Variants in RTL9 observed in about 807,000 individuals in gnomAD.
RTL9 encodes retrotransposon Gag like 9, also known as retrotransposon Gag-like protein 9.
RTL9 carries 19 observed loss-of-function variants against 44.7 expected under a neutral mutation model. The ratio of observed to expected loss-of-function variants is 0.42; its 90% CI spans 0.30 to 0.62. The LOEUF (loss-of-function observed/expected upper bound fraction) is 0.62. Ranked by LOEUF, RTL9 falls within the 20% of genes least tolerant of loss-of-function variation. The pLI, the probability that RTL9 is intolerant of heterozygous loss-of-function variation, is 0.16. For missense variants in RTL9, 1,105 were observed against 1,080.6 expected, an observed-to-expected ratio of 1.02 and a Z score of -0.32; for synonymous variants, 407 against 398.9, an observed-to-expected ratio of 1.02 and a Z score of -0.24.
chrX:110,438,495 A>G (rs2068855510), intron 1 of RTL9, among the ~76,000 whole-genome samples: 1 of 111,624 alleles, frequency 9.0e-6, no homozygotes, highest in Non-Finnish European at 1.9e-5. Context: ...ATGAACCTCT[A>G]TGATCCAAGT....
chrX:110,362,152 T>C (rs2068268201), intron 1 of RTL9, among the ~76,000 whole-genome samples: 1 of 111,854 alleles, frequency 8.9e-6, no homozygotes. Context: ...AATATATATA[T>C]ATAACAGAGC....
chrX:110,435,310 C>G (rs945300859), intron 1 of RTL9, among the ~76,000 whole-genome samples: 1 of 111,694 alleles, frequency 9.0e-6, no homozygotes, highest in Non-Finnish European at 1.9e-5. Flanking sequence ...AATAAATTAA[C>G]AGCTGTGGGT....
At chrX:110,412,274 G>C (rs1306520060) in intron 1 of RTL9, among the ~76,000 whole-genome samples, 1 of 112,376 alleles carries the variant, frequency 8.9e-6, no homozygotes, top group African/African-American at 3.2e-5. Context: ...CCTGTCTTAG[G>C]AGTTTACCTT....
At chrX:110,369,443 T>C (rs2068322338) in intron 1 of RTL9, among the ~76,000 whole-genome samples, 2 of 112,392 alleles carry the variant, frequency 1.8e-5, no homozygotes, top group South Asian at 7.5e-4. Context: ...AAGTGCCAAA[T>C]GTTCAAAGAG....
At chrX:110,452,750 A>G (rs1316636339) in exon 1 of RTL9, 1 of 1,210,438 alleles carries the variant, frequency 8.3e-7, no homozygotes, top group East Asian at 3.0e-5. Context: ...CACTAATGAG[A>G]GCCAAAGTGT....
At chrX:110,395,076 T>C (rs759279795) in intron 1 of RTL9, among the ~76,000 whole-genome samples, 3 of 112,736 alleles carry the variant, frequency 2.7e-5, no homozygotes, top group East Asian at 2.8e-4. Flanking sequence ...AAAGCATTTG[T>C]CATGGAAGGT....
chrX:110,374,900 A>C (rs749620535), intron 1 of RTL9, among the ~76,000 whole-genome samples: 1 of 111,330 alleles, frequency 9.0e-6, no homozygotes, highest in South Asian at 3.8e-4. Context: ...GAGTGTCTGC[A>C]TATGATATTA....
chrX:110,428,949 C>T (rs1300938532), intron 1 of RTL9, among the ~76,000 whole-genome samples: 2 of 112,236 alleles, frequency 1.8e-5, no homozygotes, highest in African/African-American at 6.5e-5. Flanking sequence ...TACGTGTATC[C>T]AGCGCACTGG....
At chrX:110,378,867 C>A (rs2068397900) in intron 1 of RTL9, among the ~76,000 whole-genome samples, 1 of 110,871 alleles carries the variant, frequency 9.0e-6, no homozygotes, top group African/African-American at 3.3e-5. Flanking sequence ...CTCCTAACAG[C>A]AAGCACAGCT....
At chrX:110,428,113 C>A (rs1181406462) in intron 1 of RTL9, among the ~76,000 whole-genome samples, 1 of 112,336 alleles carries the variant, frequency 8.9e-6, no homozygotes, top group Admixed American at 9.4e-5. Flanking sequence ...CCACCTGGCA[C>A]ACAGTAGATG....
upstream of RTL9, among the ~76,000 whole-genome samples, chrX:110,416,963 T>A (rs1386390327): frequency 1.8e-5 from 2 of 112,148 alleles, no homozygotes; most frequent in Non-Finnish European, 3.8e-5. Context: ...ACTTCCAATT[T>A]TCGGTTTTTG....
intron 1 of RTL9, 31 bp from the exon 4 acceptor site, chrX:110,455,171 C>G (rs1426674410): frequency 8.3e-7 from 1 of 1,208,242 alleles, no homozygotes; most frequent in East Asian, 3.0e-5. Context: ...AAGTGTGGCT[C>G]TTACCTCTGT....
Position 110,381,994 on chromosome X carries a change from CT to C in RTL9, c.-168+23079del, listed in dbSNP as rs1284911385. Among the ~76,000 whole-genome samples the C allele has an allele frequency of 8.1e-5, 9 of 110,797 alleles. No individual in the cohort carries two copies. In the South Asian group the frequency reaches 3.1e-3, roughly 38 times the overall value. ...TGTAATAAACCTGTACATGTACCCCCTGAATCTAAAATAAAAATTAAAAAAA... is the reference window on the plus strand; with the variant it reads ...TGTAATAAACCTGTACATGTACCCCCGAATCTAAAATAAAAATTAAAAAAA... On this transcript the variant is annotated intron_variant, in intron 1 of 2. Transcript: ENST00000520821.
At chrX:110,439,841 CT>C (rs2148340203) in intron 1 of RTL9, 1 of 111,047 alleles carries the variant, frequency 9.0e-6, no homozygotes, top group Non-Finnish European at 1.9e-5. Flanking sequence ...CTGCTTTCCT[CT>C]CCCCCTCCCC....
intron 1 of RTL9, among the ~76,000 whole-genome samples, chrX:110,436,823 C>A (rs373675331): frequency 1.8e-5 from 2 of 112,090 alleles, no homozygotes; most frequent in East Asian, 2.8e-4. Context: ...TATGGGCCAG[C>A]AGCCTGAGGA....
intron 1 of RTL9, among the ~76,000 whole-genome samples, chrX:110,444,533 T>C (rs1271699567): frequency 8.9e-6 from 1 of 112,736 alleles, no homozygotes; most frequent in Non-Finnish European, 1.9e-5. Flanking sequence ...TTTCATGTAT[T>C]ATTCTTTATT....
At chrX:110,387,041 C>T (rs889647957) in intron 1 of RTL9, among the ~76,000 whole-genome samples, 4 of 112,269 alleles carry the variant, frequency 3.6e-5, no homozygotes, top group African/African-American at 1.3e-4. Flanking sequence ...GCACTTGGGG[C>T]TGAGGTGGTC....
At chrX:110,418,943 C>T (rs1020801365), upstream of RTL9, 2 of 109,583 alleles carry the variant, frequency 1.8e-5, no homozygotes, top group Non-Finnish European at 3.8e-5. Context: ...GGCCACTCGA[C>T]CCCACACTCT....
At chrX:110,374,983 C>T in intron 1 of RTL9, among the ~76,000 whole-genome samples, 1 of 111,303 alleles carries the variant, frequency 9.0e-6, no homozygotes, top group Non-Finnish European at 1.9e-5. Context: ...CAATGAAAGG[C>T]TAACTAACCC....
Sources: allele counts gnomAD v4.1 joint callset (sites outside exome capture counted in the v4.1 genomes callset), GRCh38; gene constraint gnomAD v4.1.1; transcripts MANE v1.5; gene names NCBI Gene and HGNC (gene_info 2026-07-23, HGNC 2026-07-21).